Variants in DTNB observed in about 807,000 individuals in gnomAD.
DTNB encodes the protein DTN-B.
DTNB carries 63 observed loss-of-function variants against 90.7 expected under a neutral mutation model. The observed-to-expected ratio is 0.69, with a 90% CI of 0.57 to 0.86. DTNB has a LOEUF of 0.86. DTNB is among the 40% of genes least tolerant of loss of function. The pLI, the probability that DTNB is intolerant of heterozygous loss-of-function variation, is 0.00. For synonymous variants in DTNB, 277 were observed against 286.7 expected, an observed-to-expected ratio of 0.97 and a Z score of 0.34; for missense variants, 744 against 807.1, an observed-to-expected ratio of 0.92 and a Z score of 0.95.
At position 25,407,420 on chromosome 2, in the gene DTNB, G is replaced by T. The variant is rs187142365; in HGVS notation, c.1575+12095C>A. Among the ~76,000 whole-genome samples the T allele has an allele frequency of 2.2e-3, 330 of 152,082 alleles. 1 individual carries two copies. The highest frequency in any genetic ancestry group is 7.4e-3 in the African/African-American group (307 of 41,474). ...ATTTGATCCAGCAATCCCACTACCG[G>T]GTATCTACCCAAAGGAAAAGAAGTC... On this transcript the variant is annotated intron_variant, in intron 16 of 20. Coordinates refer to ENST00000406818, the MANE Select transcript of DTNB (RefSeq NM_021907.5).
At chr2:25,657,996 C>A (rs536586063) in intron 1 of DTNB, among the ~76,000 whole-genome samples, 2 of 152,164 alleles carry the variant, frequency 1.3e-5, no homozygotes, top group South Asian at 2.1e-4. Flanking sequence ...GTGGCTCACA[C>A]CCGTAATCCC....
intron 5 of DTNB, among the ~76,000 whole-genome samples, chr2:25,597,476 A>G (rs1484019550): frequency 1.3e-5 from 2 of 152,224 alleles, no homozygotes; most frequent in African/African-American, 4.8e-5. Flanking sequence ...GGGAATTTAT[A>G]CTGAAGCATC....
At chr2:25,443,879 C>G (rs1002138053) in intron 12 of DTNB, among the ~76,000 whole-genome samples, 13 of 152,092 alleles carry the variant, frequency 8.5e-5, no homozygotes, top group Non-Finnish European at 1.8e-4. Context: ...TACATGTGTG[C>G]GAAACATCAT....
At chr2:25,593,029 A>G (rs567278295) in intron 6 of DTNB, among the ~76,000 whole-genome samples, 15 of 152,322 alleles carry the variant, frequency 9.8e-5, no homozygotes, top group African/African-American at 3.1e-4. Context: ...TCCATCGATC[A>G]TGTGAGCACA....
At position 25,455,437 on chromosome 2, in the gene DTNB, G is replaced by A. The variant is rs1230618610; in HGVS notation, c.1137C>T (p.Ala379=). 1.0e-5 allele frequency: 16 copies of A among 1,605,494 alleles called. No individual in the cohort carries two copies. Among genetic ancestry groups the A allele is most frequent in the Non-Finnish European group, 1.3e-5 (15 of 1,176,354 alleles). Residue 379 remains alanine, a synonymous_variant, in exon 11 of 21, where the codon GCC becomes GCT. Transcript: ENST00000406818. ...AGTGCTGCAGACGGGCCACATAGGA[G>A]GCTATCAGCGCATGCTCATCGGCCA... ...SHLADEHALI[A]SYVARLQHCA...
chr2:25,446,707 T>C (rs148305476), intron 12 of DTNB, among the ~76,000 whole-genome samples: 3 of 152,320 alleles, frequency 2.0e-5, no homozygotes, highest in Non-Finnish European at 4.4e-5. Flanking sequence ...CACTATGATA[T>C]GTCTAGTTGT....
intron 16 of DTNB, among the ~76,000 whole-genome samples, chr2:25,395,375 GAAATA>G (rs2042115478): frequency 1.3e-5 from 2 of 151,176 alleles, no homozygotes; most frequent in African/African-American, 4.9e-5. Flanking sequence ...AAAACCTATT[GAAATA>G]AAAAAATTAA....
At chr2:25,411,556 A>G (rs2046616287) in intron 16 of DTNB, among the ~76,000 whole-genome samples, 1 of 152,116 alleles carries the variant, frequency 6.6e-6, no homozygotes, top group African/African-American at 2.4e-5. Flanking sequence ...CTATGCACAT[A>G]TCCTGGGACT....
chr2:25,661,875 C>A (rs1053245234), intron 1 of DTNB, among the ~76,000 whole-genome samples: 2 of 151,872 alleles, frequency 1.3e-5, no homozygotes, highest in Non-Finnish European at 2.9e-5. Context: ...TGGATATAGG[C>A]CAGGCGCAGT....
chr2:25,397,058 A>G (rs1195108140), intron 16 of DTNB, among the ~76,000 whole-genome samples: 3 of 128,152 alleles, frequency 2.3e-5, no homozygotes, highest in Non-Finnish European at 4.9e-5. Flanking sequence ...TCCCCCACCC[A>G]AAAAAAAGTA....
intron 1 of DTNB, among the ~76,000 whole-genome samples, chr2:25,668,847 C>T (rs2149068565): frequency 6.7e-6 from 1 of 150,096 alleles, no homozygotes; most frequent in African/African-American, 2.4e-5. Context: ...TAGCAGCACT[C>T]CTTGTAATGG....
At chr2:25,475,214 G>A (rs1048857547) in intron 10 of DTNB, among the ~76,000 whole-genome samples, 1 of 152,230 alleles carries the variant, frequency 6.6e-6, no homozygotes, top group African/African-American at 2.4e-5. Flanking sequence ...AGCTATGAAT[G>A]CAAAGGAAAG....
chr2:25,462,819 T>C (rs2061202056), intron 10 of DTNB, among the ~76,000 whole-genome samples: 1 of 152,062 alleles, frequency 6.6e-6, no homozygotes, highest in African/African-American at 2.4e-5. Flanking sequence ...TTCTCCTGCC[T>C]CAGCCTCCCA....
Position 25,433,002 on chromosome 2 carries a change from A to C in DTNB, c.1344-3T>G. 6.2e-7 allele frequency: 1 copy of C among 1,600,666 alleles called. No individual in the cohort carries two copies. The highest frequency in any genetic ancestry group is 1.1e-5 in the South Asian group (1 of 88,548). On this transcript the variant is annotated splice_region_variant and splice_polypyrimidine_tract_variant and intron_variant, in intron 13 of 20. Transcript: ENST00000406818. The stretch of plus-strand genomic sequence containing the variant: ...GCTGAATCTCCTGCAGGATCTCTCT[A>C]GAGAGGATGGGTGAACGGAAAGGGG...
chr2:25,379,510 A>G, intron 19 of DTNB, 187 bp from the exon 20 acceptor site: 1 of 590,172 alleles, frequency 1.7e-6, no homozygotes, highest in Non-Finnish European at 2.5e-6. Flanking sequence ...CTACTACTGT[A>G]GCCAACCCGA....
intron 8 of DTNB, among the ~76,000 whole-genome samples, chr2:25,564,062 C>T (rs573796589): frequency 8.6e-5 from 13 of 151,472 alleles, no homozygotes; most frequent in Non-Finnish European, 1.3e-4. Flanking sequence ...CTACCACGCC[C>T]GGCTAATTTT....
chr2:25,594,706 T>C (rs1249561608), intron 6 of DTNB, among the ~76,000 whole-genome samples: 3 of 152,226 alleles, frequency 2.0e-5, no homozygotes, highest in African/African-American at 7.2e-5. Context: ...TACAAAAAGG[T>C]TCTAAGATTA....
intron 1 of DTNB, among the ~76,000 whole-genome samples, chr2:25,655,180 A>C (rs1245269015): frequency 6.6e-6 from 1 of 152,238 alleles, no homozygotes; most frequent in South Asian, 2.1e-4. Context: ...GGCAAATTAC[A>C]AAGATTGAAT....
chr2:25,669,815 G>T (rs1198019954), intron 1 of DTNB, among the ~76,000 whole-genome samples: 1 of 151,702 alleles, frequency 6.6e-6, no homozygotes, highest in Non-Finnish European at 1.5e-5. Context: ...ATGGTGGCAC[G>T]CAAGTGTAGT....
Sources: allele counts gnomAD v4.1 joint callset (sites outside exome capture counted in the v4.1 genomes callset), GRCh38; gene constraint gnomAD v4.1.1; transcripts MANE v1.5; gene names NCBI Gene and HGNC (gene_info 2026-07-23, HGNC 2026-07-21).